SARS2: variants seen among roughly 807,000 people sequenced by gnomAD.
The protein encoded by SARS2 is serine--tRNA ligase, mitochondrial.
In SARS2, 52 loss-of-function variants were observed where a neutral mutation model predicts 66.8. The observed-to-expected ratio is 0.78, with a 90% CI of 0.62 to 0.98. SARS2 has a LOEUF of 0.98. SARS2 is among the 50% of genes least tolerant of loss of function. The pLI, the probability that SARS2 is intolerant of heterozygous loss-of-function variation, is 0.00. For synonymous variants in SARS2, 306 were observed against 281.4 expected (o/e 1.09, Z -0.87); for missense variants, 673 against 706.3 (o/e 0.95, Z 0.53).
Position 38,930,466 on chromosome 19 carries a change from T to G in SARS2, c.267+4A>C. On this transcript the variant is annotated splice_donor_region_variant and intron_variant, in intron 1 of 15. Coordinates refer to ENST00000221431, the MANE Select transcript of SARS2 (RefSeq NM_017827.4). ...CGCCCCCCGGCCGGCGCAGGCGCAC[T>G]CACGATCGCGGGCAGGTCCGCCGAG... is the stretch of plus-strand genomic sequence containing the variant. 1 of 1,593,796 alleles carries G rather than the reference T, an allele frequency of 6.3e-7. No individual in the cohort carries two copies.
intron 2 of SARS2, 46 bp from the exon 3 acceptor site, chr19:38,922,313 G>T: frequency 1.3e-6 from 2 of 1,598,700 alleles, no homozygotes; most frequent in South Asian, 1.1e-5. Context: ...ACAAAGTCGA[G>T]GGTGGGGAAG....
chr19:38,930,509 G>C lies in SARS2; in HGVS notation c.228C>G (p.Leu76=). 6.2e-7 allele frequency: 1 copy of C among 1,610,332 alleles called. No homozygotes were observed. The highest frequency in any genetic ancestry group is 8.5e-7 in the Non-Finnish European group (1 of 1,178,118). Residue 76 remains leucine (L), a synonymous_variant, in exon 1 of 16, where the codon CTC becomes CTG. Transcript: ENST00000221431. ...CPEEAAHALE[L]RKGELRSADL... ...CCGCCGAGCGCAGCTCCCCCTTGCG[G>C]AGCTCCAGGGCGTGTGCGGCCTCTT...
At position 38,915,445 on chromosome 19, in the gene SARS2, G is replaced by A. The variant is rs1427462693; in HGVS notation, c.*161C>T. ...CAGTGACTGACTCTGAGGCAGCAAG[G>A]ACAGAGGAGAGGTGGACCCCGTGGT... is the stretch of plus-strand genomic sequence containing the variant. On this transcript the variant is annotated 3_prime_UTR_variant, in exon 16 of 16. Transcript: ENST00000221431. 6.8e-6 allele frequency: 5 copies of A among 731,556 alleles called. No homozygotes were observed. Among genetic ancestry groups the A allele is most frequent in the African/African-American group, 1.8e-5 (1 of 56,664 alleles). 45.3% of individuals were successfully genotyped at this position (731,556 alleles called of 1,614,324 possible). A position where few individuals can be genotyped will look rare whatever the true frequency, so the allele number is the denominator to read the frequency against.
In SARS2 at chr19:38,930,319, A is replaced by G. The variant is rs1341914738; in HGVS notation, c.267+151T>C. The G allele has an allele frequency of 4.0e-6, 4 of 1,003,240 alleles. No homozygotes were observed. The African/African-American group carries it at 4.9e-5, about 12-fold the overall frequency. 62.1% of individuals were successfully genotyped at this position (1,003,240 alleles called of 1,614,324 possible). A position where few individuals can be genotyped will look rare whatever the true frequency, so the allele number is the denominator to read the frequency against. On this transcript the variant is annotated intron_variant, in intron 1 of 15. Transcript: ENST00000221431. ...TCAGCACTCACTGGACAACTGGCAC[A>G]TAAGTGGGTGCCATGCACAAGACGT...
chr19:38,918,913 C>A (rs533604342), intron 7 of SARS2, 100 bp from the exon 8 acceptor site: 26 of 1,226,088 alleles, frequency 2.1e-5, no homozygotes, highest in Middle Eastern at 1.9e-4. Flanking sequence ...CCTCCTCAGA[C>A]GAAACTGAGG....
At chr19:38,926,021 G>A (rs1974621075) in intron 2 of SARS2, among the ~76,000 whole-genome samples, 184 bp downstream of exon 2, 1 of 152,152 alleles carries the variant, frequency 6.6e-6, no homozygotes, top group Admixed American at 6.5e-5. Flanking sequence ...TCACCATGTT[G>A]CCCAGGCTGG....
chr19:38,921,078 CACAGAT>C (rs1263757380), intron 5 of SARS2, among the ~76,000 whole-genome samples: 1 of 151,766 alleles, frequency 6.6e-6, no homozygotes, highest in Admixed American at 6.6e-5. Flanking sequence ...GATACAGACA[CACAGAT>C]ACAGACACAC....
chr19:38,924,258 C>G (rs1974592480), intron 2 of SARS2, among the ~76,000 whole-genome samples: 4 of 152,156 alleles, frequency 2.6e-5, no homozygotes, highest in Admixed American at 1.3e-4. Context: ...ACATTCTGAA[C>G]CTTCCATGAT....
rs199906438 is a variant in SARS2 at position 38,922,310 on chromosome 19, C to T, written c.364-43G>A. The T allele has an allele frequency of 5.5e-5, 89 of 1,605,490 alleles. No homozygotes were observed. The East Asian group carries it at 1.5e-3, about 27-fold the overall frequency. ...GGGTGGGTGATTAGGTTGACAAAGT[C>T]GAGGGTGGGGAAGAGAAAAAATGGT... On this transcript the variant is annotated intron_variant, in intron 2 of 15. Transcript: ENST00000221431.
Position 38,930,617 on chromosome 19 carries a change from G to A in SARS2, c.120C>T (p.Asn40=), listed in dbSNP as rs766448244. 1.1e-5 allele frequency: 17 copies of A among 1,614,004 alleles called. No individual in the cohort carries two copies. The South Asian group carries it at 1.8e-4, about 17-fold the overall frequency. ...GCGCATACTCGTACAGGAGGTTCCG[G>A]TTTCGTTTCTCTGTAGTGAAACTTC... ...PRRSFTTEKR[N]RNLLYEYARE... The change falls in exon 1 of 16, where the codon AAC becomes AAT. Residue 40 remains asparagine (N), a synonymous_variant. Transcript: ENST00000221431.
Position 38,917,967 on chromosome 19 carries a change from G to A in SARS2, c.1004C>T (p.Thr335Met), listed in dbSNP as rs199736022. The change falls in exon 11 of 16, where the codon ACG becomes ATG. Residue 335 changes from threonine (T) to methionine (M), a missense_variant. Coordinates refer to ENST00000221431, the MANE Select transcript of SARS2 (RefSeq NM_017827.4). The stretch of plus-strand genomic sequence containing the variant: ...ATACAGCCCCCGGGGTTCCTGTCCC[G>A]TGTTTGTCTCTGCCCGGTAGCAGGT... ...SSTCYRAETN[T>M]GQEPRGLYRV... is the part of the protein sequence containing the mutation. The A allele has an allele frequency of 8.1e-6, 13 of 1,607,344 alleles. No individual in the cohort carries two copies. Among genetic ancestry groups the A allele is most frequent in the South Asian group, 1.1e-5 (1 of 90,042 alleles).
In SARS2 at chr19:38,915,766, C is replaced by G. The variant is rs531639146; in HGVS notation, c.1414-17G>C. On this transcript the variant is annotated splice_polypyrimidine_tract_variant and intron_variant, in intron 15 of 15. Transcript: ENST00000221431. Reference sequence around the variant, plus strand: ...TGAGCCGTCCTGGGGACAGAGCAGACCTCAGGACACTGCAGATGCCCCAGC... The same window carrying G: ...TGAGCCGTCCTGGGGACAGAGCAGAGCTCAGGACACTGCAGATGCCCCAGC... The G allele has an allele frequency of 2.2e-4, 349 of 1,613,044 alleles. 3 individuals are homozygous for G. The South Asian group carries it at 3.6e-3, about 17-fold the overall frequency.
chr19:38,915,865 C>T lies in SARS2; in HGVS notation c.1389G>A (p.Ala463=), dbSNP rs373297020. ...TACAVPRLLI[A]LLESNQQKDG... ...CCTTCTGCTGGTTACTCTCCAGGAGCGCGATGAGAAGGCGGGGGACAGCAC... is the reference window on the plus strand; with the variant it reads ...CCTTCTGCTGGTTACTCTCCAGGAGTGCGATGAGAAGGCGGGGGACAGCAC... Residue 463 remains alanine, a synonymous_variant, in exon 15 of 16, where the codon GCG becomes GCA. Coordinates refer to ENST00000221431, the MANE Select transcript of SARS2 (RefSeq NM_017827.4). 187 of 1,613,718 alleles carry T rather than the reference C, an allele frequency of 1.2e-4. No homozygotes were observed. Among genetic ancestry groups the T allele is most frequent in the Admixed American group, 3.5e-4 (21 of 60,002 alleles).
At position 38,918,070 on chromosome 19, in the gene SARS2, A is replaced by C. The variant is rs200998412; in HGVS notation, c.962+24T>G. 3.7e-6 allele frequency: 6 copies of C among 1,605,336 alleles called. No individual in the cohort carries two copies. In the East Asian group the frequency reaches 1.3e-4, roughly 36 times the overall value. On this transcript the variant is annotated intron_variant, in intron 10 of 15. Coordinates refer to ENST00000221431, the MANE Select transcript of SARS2 (RefSeq NM_017827.4). ...AGACTGATTGTCACAGGTGGGGTCA[A>C]GGTCTAAGGAAACCAGGTGTCACCT...
chr19:38,917,904 G>A lies in SARS2; in HGVS notation c.1050+17C>T. 1 of 1,613,188 alleles carries A rather than the reference G, an allele frequency of 6.2e-7. No individual in the cohort carries two copies. Among genetic ancestry groups the A allele is most frequent in the Non-Finnish European group, 8.5e-7 (1 of 1,179,496 alleles). On this transcript the variant is annotated intron_variant, in intron 11 of 15. Coordinates refer to ENST00000221431, the MANE Select transcript of SARS2 (RefSeq NM_017827.4). ...TGGCCCCCCACCCCAGCCCCGTTTA[G>A]TCCCAGCGACACCAGCCTTGGTGAA...
intron 1 of SARS2, among the ~76,000 whole-genome samples, chr19:38,929,657 A>C (rs2075054082): frequency 6.6e-6 from 1 of 152,130 alleles, no homozygotes; most frequent in African/African-American, 2.4e-5. Context: ...AGCGCAAGTG[A>C]ATTAGCTTCT....
At chr19:38,930,446 C>T in intron 1 of SARS2, 24 bp downstream of exon 1, 1 of 1,580,930 alleles carries the variant, frequency 6.3e-7, no homozygotes, top group Non-Finnish European at 8.6e-7. Flanking sequence ...GTCTGCGCCC[C>T]CCGGCCGGCG....
chr19:38,920,195 G>A lies in SARS2; in HGVS notation c.590-46C>T, dbSNP rs189041504. 223 of 1,476,800 alleles carry A rather than the reference G, an allele frequency of 1.5e-4. 1 individual carries two copies. In the East Asian group the frequency reaches 4.8e-3, roughly 32 times the overall value. 91.5% of individuals were successfully genotyped at this position (1,476,800 alleles called of 1,614,324 possible). On this transcript the variant is annotated intron_variant, in intron 5 of 15. Transcript: ENST00000221431. The stretch of plus-strand genomic sequence containing the variant: ...CCGGTGTAAGGCAGCGGGGAGAGAG[G>A]GATGGGGCCCAGATAGAAGCTTCCA...
chr19:38,915,382 G>A lies in SARS2; in HGVS notation c.*224C>T, dbSNP rs763374780. On this transcript the variant is annotated 3_prime_UTR_variant, in exon 16 of 16. Transcript: ENST00000221431. ...GTCCCTAGAACCGTAAAGCCCAGAC[G>A]TCCTGCTTCCCACTGGGACCCTCAA... is the stretch of plus-strand genomic sequence containing the variant. 5.6e-5 allele frequency: 33 copies of A among 593,946 alleles called. No individual in the cohort carries two copies. In the East Asian group the frequency reaches 7.2e-4, roughly 13 times the overall value. The allele number at this position is 593,946 out of a possible 1,614,324, so 36.8% of individuals were successfully genotyped here. A position where few individuals can be genotyped will look rare whatever the true frequency, so the allele number is the denominator to read the frequency against.
Sources: gnomAD v4.1 joint callset for allele counts (sites outside exome capture counted in the v4.1 genomes callset) on GRCh38, gnomAD v4.1.1 for gene constraint, MANE v1.5 for transcripts, NCBI Gene and HGNC (gene_info 2026-07-23, HGNC 2026-07-21) for gene names.